Variants in DOCK5 observed in about 807,000 individuals in gnomAD.
DOCK5 encodes dedicator of cytokinesis 5.
DOCK5 carries 142 observed loss-of-function variants against 251.8 expected under a neutral mutation model. That is an observed-to-expected ratio of 0.56 (90% CI 0.49 to 0.65). The LOEUF (loss-of-function observed/expected upper bound fraction) is 0.65. Among genes scored for constraint, DOCK5 ranks in the 30% least tolerant of loss-of-function variants. The probability of loss-of-function intolerance (pLI) is 0.00; values close to 1 mark genes in which losing one functional copy is unlikely to be tolerated. For missense variants in DOCK5, 2,111 were observed against 2,312.3 expected, an observed-to-expected ratio of 0.91 and a Z score of 1.79; for synonymous variants, 842 against 835.5, an observed-to-expected ratio of 1.01 and a Z score of -0.13.
At chr8:25,272,550 C>T (rs958225697) in intron 3 of DOCK5, among the ~76,000 whole-genome samples, 3 of 152,198 alleles carry the variant, frequency 2.0e-5, no homozygotes, top group African/African-American at 7.2e-5. Context: ...AAACCTTCAG[C>T]AGGGATGTTC....
At chr8:25,192,596 C>A (rs80135915) in intron 1 of DOCK5, among the ~76,000 whole-genome samples, 10,820 of 152,196 alleles carry the variant, frequency 0.071, 524 homozygotes, top group African/African-American at 0.12. Context: ...GCCTGGACTT[C>A]CTGAGCTCAA....
chr8:25,257,154 C>G lies in DOCK5; in HGVS notation c.128-11691C>G, dbSNP rs540200561. Among the ~76,000 whole-genome samples the G allele has an allele frequency of 4.6e-4, 70 of 152,104 alleles. 2 individuals carry two copies. In the South Asian group the frequency reaches 1.0e-2, roughly 22 times the overall value. Reference sequence around the variant, plus strand: ...GTAAAAAAGAACTCCAAATAGAGCCCCCCACAGCACAGGAACCAGAAGACA... The same window carrying G: ...GTAAAAAAGAACTCCAAATAGAGCCGCCCACAGCACAGGAACCAGAAGACA... On this transcript the variant is annotated intron_variant, in intron 2 of 51. Transcript: ENST00000276440.
At chr8:25,253,922 G>A (rs955435741) in intron 2 of DOCK5, among the ~76,000 whole-genome samples, 6 of 152,174 alleles carry the variant, frequency 3.9e-5, no homozygotes, top group Non-Finnish European at 5.9e-5. Flanking sequence ...AGAGGCAGAG[G>A]ACTCAGAACA....
intron 39 of DOCK5, 22 bp downstream of exon 39, chr8:25,380,416 T>G: frequency 6.3e-7 from 1 of 1,582,426 alleles, no homozygotes; most frequent in South Asian, 1.1e-5. Flanking sequence ...TCAAAATATG[T>G]TAGGCCTCTG....
rs1804299136 is a variant in DOCK5 at position 25,285,148 on chromosome 8, A to AT, written c.321+6485dup. On this transcript the variant is annotated intron_variant, in intron 5 of 51. Coordinates refer to ENST00000276440, the MANE Select transcript of DOCK5 (RefSeq NM_024940.8). ...TAGTGTTGAATCAAGTGAATTTATTATTATTTTTTTTTTTGAGATGTAGTT... is the reference window on the plus strand; with the variant it reads ...TAGTGTTGAATCAAGTGAATTTATTATTTATTTTTTTTTTTGAGATGTAGTT... 3.3e-5 allele frequency among the ~76,000 whole-genome samples: 5 copies of AT among 150,094 alleles called. No homozygotes were observed. The South Asian group carries it at 8.3e-4, about 25-fold the overall frequency.
intron 1 of DOCK5, among the ~76,000 whole-genome samples, chr8:25,215,353 TC>T (rs559877042): frequency 1.3e-5 from 2 of 152,146 alleles, no homozygotes; most frequent in Admixed American, 1.3e-4. Context: ...TGGGGGGATG[TC>T]TTTTCTCCTC....
chr8:25,382,403 G>T (rs1801082941), intron 39 of DOCK5, among the ~76,000 whole-genome samples: 1 of 152,172 alleles, frequency 6.6e-6, no homozygotes, highest in Non-Finnish European at 1.5e-5. Flanking sequence ...TGAAAGTTGT[G>T]CACTGCCCCG....
At chr8:25,316,415 A>G (rs754049408) in intron 13 of DOCK5, among the ~76,000 whole-genome samples, 8 of 152,202 alleles carry the variant, frequency 5.3e-5, no homozygotes, top group Non-Finnish European at 7.3e-5. Flanking sequence ...CAAGAGGCCA[A>G]TGTTGCAGTG....
intron 25 of DOCK5, 137 bp from the exon 26 acceptor site, chr8:25,345,337 TG>T: frequency 8.5e-7 from 1 of 1,174,990 alleles, no homozygotes; most frequent in Non-Finnish European, 1.2e-6. Flanking sequence ...CTGGGTGGCC[TG>T]GAGGGGCTGC....
chr8:25,347,030 C>T (rs1439083188), intron 26 of DOCK5, among the ~76,000 whole-genome samples: 1 of 152,178 alleles, frequency 6.6e-6, no homozygotes, highest in Non-Finnish European at 1.5e-5. Flanking sequence ...TTTCATGGCA[C>T]AGGTGTTCCC....
Position 25,309,066 on chromosome 8 carries a change from C to T in DOCK5, c.1192+141C>T, listed in dbSNP as rs1805023047. On this transcript the variant is annotated intron_variant, in intron 12 of 51. Transcript: ENST00000276440. ...GGGGACCATCCCCCTCAGCTTCCAACCACAGGCTTTTAATACTGAACTGCA... is the reference window on the plus strand; with the variant it reads ...GGGGACCATCCCCCTCAGCTTCCAATCACAGGCTTTTAATACTGAACTGCA... 4.4e-6 allele frequency: 5 copies of T among 1,129,996 alleles called. No homozygotes were observed. The East Asian group carries it at 1.0e-4, about 24-fold the overall frequency. 70.0% of individuals were successfully genotyped at this position (1,129,996 alleles called of 1,614,324 possible). A position where few individuals can be genotyped will look rare whatever the true frequency, so the allele number is the denominator to read the frequency against.
chr8:25,275,724 T>C (rs185055099), intron 4 of DOCK5, among the ~76,000 whole-genome samples: 20 of 152,074 alleles, frequency 1.3e-4, no homozygotes, highest in African/African-American at 4.6e-4. Context: ...TAATCCCAGC[T>C]ACTGGGGAGG....
At chr8:25,356,700 GA>G (rs1423379853) in intron 27 of DOCK5, among the ~76,000 whole-genome samples, 1 of 151,372 alleles carries the variant, frequency 6.6e-6, no homozygotes, top group South Asian at 2.1e-4. Context: ...TAACAATTTG[GA>G]AAAAATTTGT....
rs1199085429 is a variant in DOCK5, at chr8:25,324,494, C to T, written c.1719+543C>T. 2.0e-5 allele frequency among the ~76,000 whole-genome samples: 3 copies of T among 152,360 alleles called. No individual in the cohort carries two copies. The East Asian group carries it at 5.8e-4, about 29-fold the overall frequency. On this transcript the variant is annotated intron_variant, in intron 17 of 51. Transcript: ENST00000276440. ...GTAGATGCTGGAAGATCTCATTTAG[C>T]CAACAATATCTGGGGATTTCCCCAC...
chr8:25,284,465 T>A (rs776903036), intron 5 of DOCK5, among the ~76,000 whole-genome samples: 7 of 152,184 alleles, frequency 4.6e-5, no homozygotes, highest in Non-Finnish European at 8.8e-5. Flanking sequence ...TCTTCCAGCT[T>A]CGGGCAGAAG....
Position 25,265,319 on chromosome 8 carries a change from C to T in DOCK5, c.128-3526C>T, listed in dbSNP as rs535385607. Among the ~76,000 whole-genome samples, 5 of 150,822 alleles carry T rather than the reference C, an allele frequency of 3.3e-5. No individual in the cohort carries two copies. The East Asian group carries it at 7.7e-4, about 23-fold the overall frequency. On this transcript the variant is annotated intron_variant, in intron 2 of 51. Transcript: ENST00000276440. ...GAACCAGGCCTCCTCTAACTACCTT[C>T]GTATTGCCTCTCCCCATTTCAGTCT...
intron 2 of DOCK5, among the ~76,000 whole-genome samples, chr8:25,256,013 C>T (rs547757382): frequency 4.6e-5 from 7 of 152,282 alleles, no homozygotes; most frequent in African/African-American, 1.7e-4. Flanking sequence ...ATTGATGGGT[C>T]TTAGAAACCC....
At chr8:25,352,493 T>C (rs1190558635) in intron 27 of DOCK5, among the ~76,000 whole-genome samples, 1 of 152,124 alleles carries the variant, frequency 6.6e-6, no homozygotes, top group Admixed American at 6.5e-5. Context: ...ATAGAGGCCA[T>C]AGGTAGCTGT....
At chr8:25,203,148 T>C (rs565214918) in intron 1 of DOCK5, among the ~76,000 whole-genome samples, 1 of 152,218 alleles carries the variant, frequency 6.6e-6, no homozygotes, top group Non-Finnish European at 1.5e-5. Context: ...CAGATCATCA[T>C]AGAATATGAG....
Sources: gnomAD v4.1 joint callset for allele counts (sites outside exome capture counted in the v4.1 genomes callset) on GRCh38, gnomAD v4.1.1 for gene constraint, MANE v1.5 for transcripts, NCBI Gene and HGNC (gene_info 2026-07-23, HGNC 2026-07-21) for gene names.